WWP2: variants seen among roughly 807,000 people sequenced by gnomAD.
WWP2 encodes the protein WW domain containing E3 ubiquitin protein ligase 2.
In WWP2, 57 loss-of-function variants were observed where a neutral mutation model predicts 121.0. The observed-to-expected ratio is 0.47, with a 90% CI of 0.38 to 0.59. WWP2 has a LOEUF of 0.59. Among genes scored for constraint, WWP2 ranks in the 20% least tolerant of loss-of-function variants. The pLI is 0.00. For synonymous variants in WWP2, 449 were observed against 441.3 expected, an observed-to-expected ratio of 1.02 and a Z score of -0.22; for missense variants, 962 against 1,158.9, an observed-to-expected ratio of 0.83 and a Z score of 2.47.
At chr16:69,816,470 A>G (rs1156301851) in intron 4 of WWP2, among the ~76,000 whole-genome samples, 2 of 148,182 alleles carry the variant, frequency 1.3e-5, no homozygotes, top group Non-Finnish European at 3.0e-5. Context: ...ATATAAATAT[A>G]TATACTTTAT....
chr16:69,810,757 CTTTT>C (rs769856069), intron 4 of WWP2, among the ~76,000 whole-genome samples: 1 of 117,238 alleles, frequency 8.5e-6, no homozygotes, highest in African/African-American at 3.1e-5. Context: ...GAGGAATTTT[CTTTT>C]TTTTTTTTTT....
Position 69,931,838 on chromosome 16 carries a change from C to G in WWP2, c.1630C>G (p.Leu544Val). 6.2e-7 allele frequency: 1 copy of G among 1,613,824 alleles called. No homozygotes were observed. The highest frequency in any genetic ancestry group is 8.5e-7 in the Non-Finnish European group (1 of 1,180,022). The change falls in exon 16 of 24, where the codon CTC (leucine) becomes GTC (valine). Residue 544 changes from leucine (L) to valine (V), a missense_variant. Leu to Val is a conservative substitution (Grantham distance 32). Coordinates refer to ENST00000359154, the MANE Select transcript of WWP2 (RefSeq NM_001270454.2). ...NMKPYDLRRR[L>V]YIIMRGEEGL... is the part of the protein sequence containing the mutation. ...GAAACCCTATGACCTGCGCCGCCGG[C>G]TCTACATCATCATGCGTGGCGAGGA...
At chr16:69,832,993 G>A (rs185740107) in intron 4 of WWP2, among the ~76,000 whole-genome samples, 1 of 152,192 alleles carries the variant, frequency 6.6e-6, no homozygotes, top group East Asian at 1.9e-4. Flanking sequence ...AGGTGGGACC[G>A]CAGGTGCACG....
At chr16:69,818,678 T>A (rs1286852516) in intron 4 of WWP2, among the ~76,000 whole-genome samples, 1 of 152,138 alleles carries the variant, frequency 6.6e-6, no homozygotes, top group East Asian at 1.9e-4. Flanking sequence ...GCTTGACATA[T>A]GTTCTGCCTT....
intron 1 of WWP2, among the ~76,000 whole-genome samples, chr16:69,768,237 C>T (rs2038775578): frequency 6.6e-6 from 1 of 152,122 alleles, no homozygotes; most frequent in South Asian, 2.1e-4. Flanking sequence ...TAGAAGGTTG[C>T]AGTTCCCTGT....
chr16:69,802,263 G>A (rs1210849582), intron 4 of WWP2, among the ~76,000 whole-genome samples: 2 of 152,152 alleles, frequency 1.3e-5, no homozygotes, highest in Admixed American at 6.6e-5. Context: ...TACACATGAT[G>A]TAAAATTAAT....
intron 1 of WWP2, among the ~76,000 whole-genome samples, chr16:69,777,494 T>A (rs2055561124): frequency 6.6e-6 from 1 of 151,600 alleles, no homozygotes; most frequent in Admixed American, 6.6e-5. Context: ...AGAGATGGGG[T>A]TTCACCCTGT....
intron 2 of WWP2, among the ~76,000 whole-genome samples, chr16:69,794,945 T>G (rs1597677837): frequency 6.6e-6 from 1 of 152,222 alleles, no homozygotes; most frequent in Non-Finnish European, 1.5e-5. Flanking sequence ...GACTGGGCAG[T>G]AGCTCATGTT....
At position 69,935,601 on chromosome 16, in the gene WWP2, C is replaced by T. The variant is rs529435430; in HGVS notation, c.1843-252C>T. Among the ~76,000 whole-genome samples, 3 of 152,346 alleles carry T rather than the reference C, an allele frequency of 2.0e-5. No individual in the cohort carries two copies. The East Asian group carries it at 5.8e-4, about 29-fold the overall frequency. On this transcript the variant is annotated intron_variant, in intron 17 of 23. Coordinates refer to ENST00000359154, the MANE Select transcript of WWP2 (RefSeq NM_001270454.2). The surrounding 1 kb of genome is among the most constrained non-coding windows in gnomAD (Gnocchi z 5.2). The stretch of plus-strand genomic sequence containing the variant: ...AGATGCGGGCCCGGACGTGGGTTCC[C>T]GCACCAGCTGGCTCTGCCCAGTCCT...
chr16:69,918,136 C>G (rs2058503501), intron 10 of WWP2, among the ~76,000 whole-genome samples: 1 of 151,672 alleles, frequency 6.6e-6, no homozygotes. Flanking sequence ...CGTCTTTCTT[C>G]CGAGATCGGC....
chr16:69,771,217 A>G (rs1331217436), intron 1 of WWP2, among the ~76,000 whole-genome samples: 1 of 152,102 alleles, frequency 6.6e-6, no homozygotes, highest in African/African-American at 2.4e-5. Flanking sequence ...TCTGATGTGT[A>G]GTTGTTTTCT....
chr16:69,857,545 G>A (rs745820112), intron 6 of WWP2, among the ~76,000 whole-genome samples: 21 of 152,192 alleles, frequency 1.4e-4, no homozygotes, highest in Non-Finnish European at 2.6e-4. Flanking sequence ...ACTGGCTCCC[G>A]GCCTGAAGGT....
At chr16:69,783,799 A>G (rs2055718481) in intron 1 of WWP2, among the ~76,000 whole-genome samples, 1 of 151,742 alleles carries the variant, frequency 6.6e-6, no homozygotes, top group Non-Finnish European at 1.5e-5. Flanking sequence ...AACAACAACA[A>G]CAACAAAATA....
chr16:69,820,939 C>T (rs533692275), intron 4 of WWP2, among the ~76,000 whole-genome samples: 6 of 152,282 alleles, frequency 3.9e-5, no homozygotes, highest in East Asian at 1.9e-4. Context: ...AGCCAGTGTC[C>T]GGCTCACCTC....
chr16:69,872,199 T>C (rs899815671), intron 7 of WWP2, among the ~76,000 whole-genome samples: 21 of 152,052 alleles, frequency 1.4e-4, no homozygotes, highest in South Asian at 2.1e-4. Flanking sequence ...TGTCTTTCTA[T>C]AAAGACAATA....
At chr16:69,834,558 G>C (rs373331107) in intron 4 of WWP2, among the ~76,000 whole-genome samples, 3 of 139,238 alleles carry the variant, frequency 2.2e-5, no homozygotes, top group Non-Finnish European at 4.6e-5. Flanking sequence ...ACGGAGTTTC[G>C]CTCTTGTTGC....
intron 4 of WWP2, among the ~76,000 whole-genome samples, chr16:69,819,031 G>C (rs753950572): frequency 6.6e-6 from 1 of 152,104 alleles, no homozygotes; most frequent in Non-Finnish European, 1.5e-5. Flanking sequence ...ACAATTCTGT[G>C]TCACTCAGGC....
chr16:69,809,483 G>A (rs949575921), intron 4 of WWP2, among the ~76,000 whole-genome samples: 4 of 151,904 alleles, frequency 2.6e-5, no homozygotes, highest in African/African-American at 9.7e-5. Flanking sequence ...AGCTTTGAGG[G>A]TGGCCAGGTA....
intron 2 of WWP2, chr16:69,788,120 T>C (rs2055831082): frequency 6.6e-6 from 1 of 151,946 alleles, no homozygotes; most frequent in Non-Finnish European, 1.5e-5. Flanking sequence ...ATCAGCACTT[T>C]GGGAGGCCAA....
Sources: gnomAD v4.1 joint callset for allele counts (sites outside exome capture counted in the v4.1 genomes callset) on GRCh38, gnomAD v4.1.1 for gene constraint, Gnocchi (gnomAD v3.1) non-coding constraint, MANE v1.5 for transcripts, NCBI Gene and HGNC (gene_info 2026-07-23, HGNC 2026-07-21) for gene names.